SYN3: variants seen among roughly 807,000 people sequenced by gnomAD.
SYN3 encodes the protein synapsin-3.
SYN3 carries 35 observed loss-of-function variants against 65.8 expected under a neutral mutation model. That is an observed-to-expected ratio of 0.53 (90% CI 0.41 to 0.70). The LOEUF (loss-of-function observed/expected upper bound fraction) is 0.70, where lower values mean the gene tolerates loss of function less well. Ranked by LOEUF, SYN3 falls within the 30% of genes least tolerant of loss-of-function variation. The pLI is 0.00. For synonymous variants in SYN3, 270 were observed against 292.9 expected, an observed-to-expected ratio of 0.92 and a Z score of 0.80; for missense variants, 680 against 749.0, an observed-to-expected ratio of 0.91 and a Z score of 1.08.
chr22:32,581,140 C>G (rs554186684), intron 7 of SYN3, among the ~76,000 whole-genome samples: 26 of 152,206 alleles, frequency 1.7e-4, no homozygotes, highest in Non-Finnish European at 3.1e-4. Context: ...GACTGAGTCT[C>G]GCTCTGCCAC....
Position 32,510,834 on chromosome 22 carries a change from C to T in SYN3, c.*2858G>A, listed in dbSNP as rs754064425. On this transcript the variant is annotated 3_prime_UTR_variant, in exon 14 of 14. Transcript: ENST00000358763. Reference sequence around the variant, plus strand: ...GAGGCTGGTATTCTGGTTCTTTCATCGTGTGACTTATACTAGTGATCCCTA... The same window carrying T: ...GAGGCTGGTATTCTGGTTCTTTCATTGTGTGACTTATACTAGTGATCCCTA... 7.2e-5 allele frequency among the ~76,000 whole-genome samples: 11 copies of T among 152,034 alleles called. No homozygotes were observed. The highest frequency in any genetic ancestry group is 2.4e-4 in the African/African-American group (10 of 41,370).
chr22:32,813,855 C>T (rs1479134942), intron 6 of SYN3, among the ~76,000 whole-genome samples: 1 of 152,026 alleles, frequency 6.6e-6, no homozygotes, highest in Non-Finnish European at 1.5e-5. Context: ...GTACTCTTAA[C>T]CTCATAGGTT....
At chr22:32,789,080 C>T (rs746074671) in intron 6 of SYN3, among the ~76,000 whole-genome samples, 6 of 152,386 alleles carry the variant, frequency 3.9e-5, no homozygotes, top group South Asian at 2.1e-4. Flanking sequence ...GCCTCTGAGC[C>T]GCCTTCACTT....
At chr22:32,857,011 T>C (rs1315466254) in intron 6 of SYN3, among the ~76,000 whole-genome samples, 3 of 152,250 alleles carry the variant, frequency 2.0e-5, no homozygotes, top group African/African-American at 7.2e-5. Flanking sequence ...TCTGGATGAA[T>C]CATATTCCAT....
intron 4 of SYN3, among the ~76,000 whole-genome samples, chr22:32,896,118 A>G (rs1392009550): frequency 6.6e-6 from 1 of 152,210 alleles, no homozygotes; most frequent in Non-Finnish European, 1.5e-5. Context: ...TATAAATATG[A>G]TATTGAAACT....
intron 6 of SYN3, among the ~76,000 whole-genome samples, chr22:32,806,261 C>T (rs564329658): frequency 6.6e-6 from 1 of 152,236 alleles, no homozygotes; most frequent in African/African-American, 2.4e-5. Flanking sequence ...GTGTCCCTTT[C>T]ACAGTCCCTG....
chr22:32,796,633 G>A (rs568704057), intron 6 of SYN3, among the ~76,000 whole-genome samples: 8 of 152,276 alleles, frequency 5.3e-5, no homozygotes, highest in Admixed American at 4.6e-4. Context: ...ATGGGGATGG[G>A]TGGACCAGGC....
At chr22:32,891,092 A>T (rs1015352998) in intron 4 of SYN3, among the ~76,000 whole-genome samples, 1 of 152,090 alleles carries the variant, frequency 6.6e-6, no homozygotes, top group African/African-American at 2.4e-5. Context: ...TGGGATTGTG[A>T]TTTCTGTCCA....
At chr22:32,980,773 C>A in intron 2 of SYN3, 71 bp from the exon 3 acceptor site, 1 of 1,426,504 alleles carries the variant, frequency 7.0e-7, no homozygotes, top group Admixed American at 1.7e-5. Context: ...CTCCCAAAGG[C>A]CTTACCCCAG....
At chr22:32,964,305 A>C (rs543379154) in intron 3 of SYN3, among the ~76,000 whole-genome samples, 1 of 149,652 alleles carries the variant, frequency 6.7e-6, no homozygotes, top group South Asian at 2.2e-4. Context: ...GGGGAGGGAT[A>C]GCATTAACAT....
intron 6 of SYN3, among the ~76,000 whole-genome samples, chr22:32,609,178 G>A: frequency 6.6e-6 from 1 of 151,908 alleles, no homozygotes; most frequent in East Asian, 1.9e-4. Flanking sequence ...CAAAAAATTA[G>A]CTGGACGTGG....
chr22:32,943,854 C>T (rs1319393858), intron 3 of SYN3, among the ~76,000 whole-genome samples: 1 of 152,138 alleles, frequency 6.6e-6, no homozygotes, highest in African/African-American at 2.4e-5. Context: ...ACAAAGAAGA[C>T]CATTACATAA....
At chr22:32,619,927 C>T (rs1350435581) in intron 6 of SYN3, among the ~76,000 whole-genome samples, 1 of 152,232 alleles carries the variant, frequency 6.6e-6, no homozygotes, top group Non-Finnish European at 1.5e-5. Flanking sequence ...TGAGAACAGC[C>T]AGGACTGGCT....
intron 6 of SYN3, among the ~76,000 whole-genome samples, chr22:32,827,858 C>T (rs2047457773): frequency 6.6e-6 from 1 of 152,166 alleles, no homozygotes; most frequent in Admixed American, 6.5e-5. Flanking sequence ...TCCTCTCTTC[C>T]AGGAACACCT....
intron 4 of SYN3, among the ~76,000 whole-genome samples, chr22:32,884,654 G>A (rs1055519486): frequency 4.6e-5 from 7 of 152,306 alleles, no homozygotes; most frequent in Admixed American, 1.3e-4. Flanking sequence ...GCCAAGGCGG[G>A]CGGATCACGA....
At chr22:32,520,368 C>A (rs2057858994) in intron 12 of SYN3, among the ~76,000 whole-genome samples, 1 of 151,804 alleles carries the variant, frequency 6.6e-6, no homozygotes, top group Admixed American at 6.6e-5. Context: ...AACTCCTGGC[C>A]TCAAGCAATT....
At chr22:33,005,426 G>A (rs1029833092) in intron 2 of SYN3, among the ~76,000 whole-genome samples, 2 of 152,190 alleles carry the variant, frequency 1.3e-5, no homozygotes, top group African/African-American at 4.8e-5. Flanking sequence ...TCACCTCTGA[G>A]TACCAAACAG....
At chr22:32,533,102 G>A (rs78249807) in intron 10 of SYN3, among the ~76,000 whole-genome samples, 3,503 of 152,096 alleles carry the variant, frequency 0.023, 70 homozygotes, top group East Asian at 0.11. Context: ...AGGAAGCGGC[G>A]GGGATGGGAG....
At chr22:32,519,521 G>A (rs1226777086) in intron 12 of SYN3, 1 of 152,164 alleles carries the variant, frequency 6.6e-6, no homozygotes, top group Non-Finnish European at 1.5e-5. Context: ...AGGTTTCCCA[G>A]TTGGAAGAGG....
Sources: allele counts gnomAD v4.1 joint callset (sites outside exome capture counted in the v4.1 genomes callset), GRCh38; gene constraint gnomAD v4.1.1; transcripts MANE v1.5; gene names NCBI Gene and HGNC (gene_info 2026-07-23, HGNC 2026-07-21).